The following LDB3 variants were observed in gnomAD, a reference collection of about 807,000 sequenced individuals.
LDB3 encodes the protein LIM domain binding 3, also known as LIM domain-binding protein 3.
Under a neutral mutation model 69.0 loss-of-function variants are expected in LDB3, and 49 were observed. The ratio of observed to expected loss-of-function variants is 0.71; its 90% CI spans 0.56 to 0.90. LDB3 has a LOEUF of 0.90. Among genes scored for constraint, LDB3 ranks in the 40% least tolerant of loss-of-function variants. The pLI, the probability that LDB3 is intolerant of heterozygous loss-of-function variation, is 0.00. For missense variants in LDB3, 928 were observed against 974.1 expected, an observed-to-expected ratio of 0.95 and a Z score of 0.63; for synonymous variants, 387 against 396.2, an observed-to-expected ratio of 0.98 and a Z score of 0.28.
In LDB3 at chr10:86,681,523, G is replaced by A. The variant is rs528736521; in HGVS notation, c.409G>A (p.Glu137Lys). The A allele has an allele frequency of 1.2e-6, 2 of 1,612,374 alleles. No individual in the cohort carries two copies. The highest frequency in any genetic ancestry group is 2.2e-5 in the South Asian group (2 of 91,068). ...RASPGTPGTP[E>K]LRPTFSPAFS... ...CAGCCCAGGCACCCCAGGCACCCCG[G>A]AGCTCAGGCCCACCTTTAGCCCTGC... The change falls in exon 5 of 14, where the codon GAG becomes AAG. Residue 137 changes from glutamate to lysine, a missense_variant. Transcript: ENST00000361373.
intron 7 of LDB3, among the ~76,000 whole-genome samples, chr10:86,706,202 G>C (rs922859849): frequency 1.4e-5 from 2 of 141,814 alleles, no homozygotes; most frequent in Non-Finnish European, 3.0e-5. Context: ...AATTCCATCG[G>C]CCTTTCTACC....
chr10:86,671,509 G>A (rs926103973), intron 2 of LDB3, among the ~76,000 whole-genome samples: 9 of 152,078 alleles, frequency 5.9e-5, no homozygotes, highest in East Asian at 1.9e-4. Context: ...GGAGGGTGGC[G>A]GGGAAATGCC....
intron 1 of LDB3, 47 bp from the exon 2 acceptor site, chr10:86,668,622 G>A: frequency 8.2e-7 from 1 of 1,214,800 alleles, no homozygotes; most frequent in Non-Finnish European, 1.2e-6. Flanking sequence ...GGCAGGCGGA[G>A]TGCCTGAGTG....
chr10:86,711,326 C>G (rs553195264), intron 9 of LDB3, among the ~76,000 whole-genome samples: 1 of 152,188 alleles, frequency 6.6e-6, no homozygotes, highest in South Asian at 2.1e-4. Flanking sequence ...CCTCCTCCTT[C>G]CCGGGCTGGG....
chr10:86,691,997 C>G lies in LDB3; in HGVS notation c.791C>G (p.Ala264Gly), dbSNP rs1845786779. ...NKPEDEADEW[A>G]RRSSNLQSRS... ...CCAGAAGATGAGGCTGACGAGTGGG[C>G]ACGCCGTTCCTCCAACCTGCAGTCT... Residue 264 changes from alanine (A) to glycine (G), a missense_variant, in exon 6 of 14, where the codon GCA becomes GGA. By Grantham distance (60) the Ala-to-Gly change is moderately conservative (BLOSUM62 0). Transcript: ENST00000361373. 1 of 1,614,072 alleles carries G rather than the reference C, an allele frequency of 6.2e-7. No homozygotes were observed. The highest frequency in any genetic ancestry group is 1.7e-5 in the Admixed American group (1 of 60,012).
At chr10:86,685,717 A>G in intron 5 of LDB3, 1 of 1,614,106 alleles carries the variant, frequency 6.2e-7, no homozygotes, top group Non-Finnish European at 8.5e-7. Context: ...ATCAAAGGAC[A>G]GCATGTGTGT....
At position 86,718,722 on chromosome 10, in the gene LDB3, C is replaced by A. The variant is rs781763092; in HGVS notation, c.1858-5C>A. Reference sequence around the variant, plus strand: ...TCTGTCCTGAGCTTAGGCTCTTTCCCCCAGGAAGTAATGCATGCCTTGAGA... The same window carrying A: ...TCTGTCCTGAGCTTAGGCTCTTTCCACCAGGAAGTAATGCATGCCTTGAGA... On this transcript the variant is annotated splice_region_variant and splice_polypyrimidine_tract_variant and intron_variant, in intron 11 of 13. Coordinates refer to ENST00000361373, the MANE Select transcript of LDB3 (RefSeq NM_007078.3). 2.5e-6 allele frequency: 4 copies of A among 1,614,044 alleles called. No homozygotes were observed. The African/African-American group carries it at 5.3e-5, about 22-fold the overall frequency.
chr10:86,685,549 C>T (rs1845420001), intron 5 of LDB3: 3 of 875,910 alleles, frequency 3.4e-6, no homozygotes, highest in Non-Finnish European at 5.9e-6. Flanking sequence ...CCTTGCTCTC[C>T]TCACCCATTG....
chr10:86,697,549 CTTTTTTTTTTT>C (rs71019409), intron 7 of LDB3, among the ~76,000 whole-genome samples: 1 of 83,956 alleles, frequency 1.2e-5, no homozygotes, highest in Non-Finnish European at 2.1e-5. Context: ...TTCTTTCTTT[CTTTTTTTTTTT>C]TTTTTTTTTT....
At chr10:86,696,410 G>A (rs1049194553) in intron 7 of LDB3, among the ~76,000 whole-genome samples, 8 of 152,326 alleles carry the variant, frequency 5.3e-5, no homozygotes, top group South Asian at 2.1e-4. Context: ...CCCAGGTGCC[G>A]CTGCCTGAGC....
At chr10:86,694,623 A>G (rs1845921590) in intron 7 of LDB3, among the ~76,000 whole-genome samples, 1 of 152,122 alleles carries the variant, frequency 6.6e-6, no homozygotes, top group Non-Finnish European at 1.5e-5. Context: ...CTGGAGAGTT[A>G]TCCTCGTGGG....
At chr10:86,729,373 C>A (rs1847378520) in intron 13 of LDB3, among the ~76,000 whole-genome samples, 1 of 152,192 alleles carries the variant, frequency 6.6e-6, no homozygotes, top group Non-Finnish European at 1.5e-5. Flanking sequence ...TGGAAAGGGT[C>A]CGACCTTAGT....
Position 86,668,964 on chromosome 10 carries a change from C to T in LDB3, c.93+180C>T, listed in dbSNP as rs552962050. Among the ~76,000 whole-genome samples the T allele has an allele frequency of 4.6e-5, 7 of 152,268 alleles. No homozygotes were observed. In the South Asian group the frequency reaches 1.2e-3, roughly 27 times the overall value. On this transcript the variant is annotated intron_variant, in intron 2 of 13. Transcript: ENST00000361373. ...CAGCTGTTTGCTCACTGGAGCGCGC[C>T]GGCCTGTTATGCATGTGAGACATCA...
intron 7 of LDB3, among the ~76,000 whole-genome samples, chr10:86,700,253 G>A (rs534128825): frequency 1.2e-4 from 18 of 152,264 alleles, no homozygotes; most frequent in African/African-American, 4.3e-4. Flanking sequence ...GCGGGAGGAT[G>A]GCTGGTGGGA....
At chr10:86,721,166 CT>C in intron 12 of LDB3, among the ~76,000 whole-genome samples, 1 of 152,328 alleles carries the variant, frequency 6.6e-6, no homozygotes, top group Non-Finnish European at 1.5e-5. Flanking sequence ...TCCATAACGG[CT>C]GCACTGTGTT....
chr10:86,733,191 A>G lies in LDB3; in HGVS notation c.*215A>G. 1.9e-6 allele frequency: 1 copy of G among 533,894 alleles called. No homozygotes were observed. Among genetic ancestry groups the G allele is most frequent in the Non-Finnish European group, 3.4e-6 (1 of 294,948 alleles). 33.1% of individuals were successfully genotyped at this position (533,894 alleles called of 1,614,324 possible). The stretch of plus-strand genomic sequence containing the variant: ...CCAAATGAAGACTCAAAACCAAGCT[A>G]GTTATTAATCCAAGACTGGAATTGT... On this transcript the variant is annotated 3_prime_UTR_variant, in exon 14 of 14. Coordinates refer to ENST00000361373, the MANE Select transcript of LDB3 (RefSeq NM_007078.3).
intron 8 of LDB3, among the ~76,000 whole-genome samples, chr10:86,708,802 T>C: frequency 6.6e-6 from 1 of 152,148 alleles, no homozygotes; most frequent in South Asian, 2.1e-4. Context: ...CAGACCTCTC[T>C]GGATCCACTC....
chr10:86,728,586 G>GTTTTTTTTTTTGT (rs11271876), intron 13 of LDB3, among the ~76,000 whole-genome samples: 8,749 of 131,152 alleles, frequency 0.067, 506 homozygotes, highest in African/African-American at 0.076. Flanking sequence ...TGGTTCTTTT[G>GTTTTTTTTTTTGT]TTTTTTTTTT....
chr10:86,679,931 G>A, intron 3 of LDB3, 151 bp from the exon 4 acceptor site: 1 of 736,696 alleles, frequency 1.4e-6, no homozygotes, highest in South Asian at 1.5e-5. Flanking sequence ...CAGCCCATGG[G>A]GTGGACAGTG....
Sources: allele counts gnomAD v4.1 joint callset (sites outside exome capture counted in the v4.1 genomes callset), GRCh38; gene constraint gnomAD v4.1.1; transcripts MANE v1.5; gene names NCBI Gene and HGNC (gene_info 2026-07-23, HGNC 2026-07-21).